Variants in GPATCH2 observed in about 807,000 individuals in gnomAD.
The protein encoded by GPATCH2 is G patch domain-containing protein 2.
Under a neutral mutation model 58.0 loss-of-function variants are expected in GPATCH2, and 51 were observed. That is an observed-to-expected ratio of 0.88 (90% CI 0.70 to 1.11). The LOEUF (loss-of-function observed/expected upper bound fraction) is 1.11, where lower values mean the gene tolerates loss of function less well. Among genes scored for constraint, GPATCH2 ranks in the 50% most tolerant of loss-of-function variants. The probability of loss-of-function intolerance (pLI) is 0.00; values close to 1 mark genes in which losing one functional copy is unlikely to be tolerated. For missense variants in GPATCH2, 625 were observed against 652.2 expected, an observed-to-expected ratio of 0.96 and a Z score of 0.45; for synonymous variants, 222 against 218.5, an observed-to-expected ratio of 1.02 and a Z score of -0.14.
At chr1:217,619,674 CATT>C (rs1263268613) in intron 2 of GPATCH2, 106 bp downstream of exon 2, 6 of 453,854 alleles carry the variant, frequency 1.3e-5, no homozygotes, top group African/African-American at 1.0e-4. Context: ...ATATCACTAT[CATT>C]ATTACAATTT....
intron 5 of GPATCH2, among the ~76,000 whole-genome samples, chr1:217,544,398 C>T (rs1664921736): frequency 6.6e-6 from 1 of 152,136 alleles, no homozygotes; most frequent in Admixed American, 6.5e-5. Context: ...GTTCCAAAAA[C>T]AAACAAACAA....
chr1:217,481,136 A>G (rs1287169173), intron 8 of GPATCH2, among the ~76,000 whole-genome samples: 1 of 152,204 alleles, frequency 6.6e-6, no homozygotes, highest in Admixed American at 6.5e-5. Flanking sequence ...TTAACTATAC[A>G]TTTTAAAATA....
intron 1 of GPATCH2, among the ~76,000 whole-genome samples, chr1:217,624,310 G>A (rs1254757570): frequency 2.0e-5 from 3 of 152,168 alleles, no homozygotes; most frequent in Non-Finnish European, 4.4e-5. Flanking sequence ...TTGAGACCAG[G>A]AGTTCAAGAC....
At chr1:217,506,126 A>G (rs537232047) in intron 6 of GPATCH2, among the ~76,000 whole-genome samples, 1 of 152,348 alleles carries the variant, frequency 6.6e-6, no homozygotes, top group African/African-American at 2.4e-5. Context: ...CAATGGCTAC[A>G]TTTCAAGTGC....
At chr1:217,549,998 A>G (rs1665268315) in intron 5 of GPATCH2, among the ~76,000 whole-genome samples, 1 of 152,182 alleles carries the variant, frequency 6.6e-6, no homozygotes, top group African/African-American at 2.4e-5. Flanking sequence ...TCTGTAAGGA[A>G]TAACTGTCTA....
intron 6 of GPATCH2, among the ~76,000 whole-genome samples, chr1:217,504,820 G>A (rs781738849): frequency 6.6e-6 from 1 of 151,902 alleles, no homozygotes; most frequent in East Asian, 1.9e-4. Flanking sequence ...TTTCTTTTTG[G>A]TGTTGCCAGA....
intron 9 of GPATCH2, among the ~76,000 whole-genome samples, chr1:217,433,759 T>C (rs554845101): frequency 6.6e-6 from 1 of 152,136 alleles, no homozygotes; most frequent in East Asian, 1.9e-4. Flanking sequence ...AATAAAATAA[T>C]AGTAAAAGGA....
chr1:217,474,518 T>A (rs1385636620), intron 8 of GPATCH2, among the ~76,000 whole-genome samples: 2 of 152,178 alleles, frequency 1.3e-5, no homozygotes, highest in East Asian at 3.8e-4. Context: ...CATTGGTAAA[T>A]ATGTCCCCAA....
intron 5 of GPATCH2, among the ~76,000 whole-genome samples, chr1:217,566,322 C>T (rs1666232391): frequency 1.3e-5 from 2 of 152,088 alleles, no homozygotes; most frequent in South Asian, 2.1e-4. Flanking sequence ...TCCTTTTGTG[C>T]TCACTTGTCC....
At chr1:217,602,735 T>C (rs938044305) in intron 5 of GPATCH2, among the ~76,000 whole-genome samples, 5 of 152,070 alleles carry the variant, frequency 3.3e-5, no homozygotes, top group African/African-American at 1.2e-4. Flanking sequence ...GAGGACTGGG[T>C]TCCAGTGATT....
chr1:217,595,507 CT>C (rs35541856), intron 5 of GPATCH2, among the ~76,000 whole-genome samples: 149 of 146,388 alleles, frequency 1.0e-3, no homozygotes, highest in Admixed American at 1.1e-3. Context: ...TTCTTTTTTT[CT>C]TTTTTTTTTT....
intron 8 of GPATCH2, among the ~76,000 whole-genome samples, chr1:217,467,579 T>C (rs1044657807): frequency 2.6e-5 from 4 of 152,136 alleles, no homozygotes; most frequent in African/African-American, 4.8e-5. Context: ...TCCATTGTCA[T>C]TGAGATGTAA....
chr1:217,587,554 A>G (rs761928521), intron 5 of GPATCH2, among the ~76,000 whole-genome samples: 48 of 152,316 alleles, frequency 3.2e-4, no homozygotes, highest in Admixed American at 1.0e-3. Context: ...CAATGAACAG[A>G]ACCAGATTTT....
intron 5 of GPATCH2, among the ~76,000 whole-genome samples, chr1:217,607,022 G>A (rs1668390369): frequency 6.6e-6 from 1 of 152,154 alleles, no homozygotes; most frequent in Admixed American, 6.5e-5. Flanking sequence ...AGAAGAATCA[G>A]AGTGTGGATT....
chr1:217,476,371 A>G (rs1050833012), intron 8 of GPATCH2, among the ~76,000 whole-genome samples: 2 of 151,894 alleles, frequency 1.3e-5, no homozygotes, highest in African/African-American at 4.8e-5. Flanking sequence ...CAGGACACCA[A>G]TGTAACAACT....
intron 5 of GPATCH2, among the ~76,000 whole-genome samples, chr1:217,577,850 C>A (rs1157749868): frequency 1.3e-5 from 2 of 152,092 alleles, no homozygotes; most frequent in African/African-American, 2.4e-5. Flanking sequence ...CAGGTTCAAG[C>A]GTTTCTCCTG....
chr1:217,579,376 A>T (rs1666952379), intron 5 of GPATCH2, among the ~76,000 whole-genome samples: 2 of 152,092 alleles, frequency 1.3e-5, no homozygotes, highest in Admixed American at 6.6e-5. Context: ...CAGACAAGAA[A>T]AAAAAAACAA....
intron 5 of GPATCH2, among the ~76,000 whole-genome samples, chr1:217,593,657 G>A (rs138175628): frequency 6.6e-6 from 1 of 151,986 alleles, no homozygotes; most frequent in Non-Finnish European, 1.5e-5. Context: ...AATAATGCGG[G>A]ATTAGAAATA....
At chr1:217,510,484 C>T (rs753941364) in intron 6 of GPATCH2, among the ~76,000 whole-genome samples, 2 of 150,376 alleles carry the variant, frequency 1.3e-5, no homozygotes, top group Non-Finnish European at 3.0e-5. Flanking sequence ...AATAATATAT[C>T]GGGTAACAGC....
Sources: allele counts gnomAD v4.1 joint callset (sites outside exome capture counted in the v4.1 genomes callset), GRCh38; gene constraint gnomAD v4.1.1; transcripts MANE v1.5; gene names NCBI Gene and HGNC (gene_info 2026-07-23, HGNC 2026-07-21).